TNR: variants seen among roughly 807,000 people sequenced by gnomAD.
TNR encodes the protein tenascin-R.
Under a neutral mutation model 150.4 loss-of-function variants are expected in TNR, and 45 were observed. The observed-to-expected ratio is 0.30, with a 90% CI of 0.24 to 0.38. TNR has a LOEUF of 0.38. Among genes scored for constraint, TNR ranks in the 10% least tolerant of loss-of-function variants. The pLI is 1.00. For synonymous variants in TNR, 687 were observed against 678.4 expected (o/e 1.01, Z -0.20); for missense variants, 1,544 against 1,759.1 (o/e 0.88, Z 2.19).
At chr1:175,573,588 C>T (rs1661975940) in intron 1 of TNR, among the ~76,000 whole-genome samples, 1 of 152,210 alleles carries the variant, frequency 6.6e-6, no homozygotes, top group African/African-American at 2.4e-5. Flanking sequence ...TGGGCAAAGA[C>T]TGTGGGATTA....
intron 1 of TNR, among the ~76,000 whole-genome samples, chr1:175,740,035 T>A: frequency 6.6e-6 from 1 of 152,212 alleles, no homozygotes; most frequent in Non-Finnish European, 1.5e-5. Context: ...TTTCTATAAA[T>A]GCGGTTGAAA....
intron 2 of TNR, among the ~76,000 whole-genome samples, chr1:175,409,140 T>C (rs758205675): frequency 4.6e-5 from 7 of 152,230 alleles, no homozygotes; most frequent in Non-Finnish European, 8.8e-5. Context: ...CCTCCTATCA[T>C]TGAAAGTCTC....
At position 175,406,104 on chromosome 1, in the gene TNR, G is replaced by T. The variant is rs373157844; in HGVS notation, c.499+112C>A. 9.8e-5 allele frequency: 139 copies of T among 1,415,276 alleles called. 2 individuals carry two copies. In the South Asian group the frequency reaches 1.6e-3, roughly 16 times the overall value. 87.7% of individuals were successfully genotyped at this position (1,415,276 alleles called of 1,614,324 possible). A position where few individuals can be genotyped will look rare whatever the true frequency, so the allele number is the denominator to read the frequency against. On this transcript the variant is annotated intron_variant, in intron 3 of 22. Transcript: ENST00000367674. The stretch of plus-strand genomic sequence containing the variant: ...CCGTGTGAAGAGATGCCGGGGTTTT[G>T]CTGGGAGTGCGTTTTCGCTGGAAGT...
At chr1:175,601,714 G>T (rs554210912) in intron 1 of TNR, among the ~76,000 whole-genome samples, 1 of 152,180 alleles carries the variant, frequency 6.6e-6, no homozygotes, top group South Asian at 2.1e-4. Flanking sequence ...GAGAGAAATC[G>T]CTCCCCTCTC....
At chr1:175,604,093 T>G (rs1055090505) in intron 1 of TNR, among the ~76,000 whole-genome samples, 3 of 151,856 alleles carry the variant, frequency 2.0e-5, no homozygotes, top group African/African-American at 7.3e-5. Context: ...AGTGAGGGGG[T>G]GGGGAGATGA....
At chr1:175,686,252 T>A (rs1431522130) in intron 1 of TNR, among the ~76,000 whole-genome samples, 1 of 152,244 alleles carries the variant, frequency 6.6e-6, no homozygotes, top group Non-Finnish European at 1.5e-5. Context: ...CATTTCCTGA[T>A]AAAACTGAGA....
At chr1:175,699,019 G>T (rs548830156) in intron 1 of TNR, among the ~76,000 whole-genome samples, 1 of 152,190 alleles carries the variant, frequency 6.6e-6, no homozygotes, top group Non-Finnish European at 1.5e-5. Flanking sequence ...TCAGAAGGAA[G>T]CAGGAATACC....
At chr1:175,656,250 C>G (rs1454518462) in intron 1 of TNR, among the ~76,000 whole-genome samples, 1 of 150,234 alleles carries the variant, frequency 6.7e-6, no homozygotes, top group African/African-American at 2.4e-5. Context: ...AATCTCTATG[C>G]CAGCCCTGTG....
chr1:175,589,134 G>C (rs1006418606), intron 1 of TNR, among the ~76,000 whole-genome samples: 8 of 152,000 alleles, frequency 5.3e-5, no homozygotes, highest in Non-Finnish European at 1.2e-4. Context: ...GGAGGGGAAG[G>C]GGGGCACTCT....
chr1:175,656,992 G>A (rs1000154221), intron 1 of TNR, among the ~76,000 whole-genome samples: 10 of 152,070 alleles, frequency 6.6e-5, no homozygotes, highest in African/African-American at 2.4e-4. Flanking sequence ...GAGGAAGAAG[G>A]TTAGAAAGAG....
intron 2 of TNR, among the ~76,000 whole-genome samples, chr1:175,487,132 A>G (rs1401166252): frequency 6.6e-6 from 1 of 152,030 alleles, no homozygotes; most frequent in Non-Finnish European, 1.5e-5. Flanking sequence ...GTTTAATTAG[A>G]TCCCATTTGT....
At chr1:175,705,216 A>G (rs1473991376) in intron 1 of TNR, among the ~76,000 whole-genome samples, 1 of 152,194 alleles carries the variant, frequency 6.6e-6, no homozygotes, top group East Asian at 1.9e-4. Context: ...TTTTTCTAGA[A>G]AAGAGCAGGC....
At chr1:175,731,655 A>G (rs1023256165) in intron 1 of TNR, among the ~76,000 whole-genome samples, 4 of 152,190 alleles carry the variant, frequency 2.6e-5, no homozygotes, top group African/African-American at 9.7e-5. Flanking sequence ...GGGCAGAGCC[A>G]AGATTCTGGT....
intron 2 of TNR, among the ~76,000 whole-genome samples, chr1:175,442,172 CT>C (rs956242885): frequency 2.6e-5 from 4 of 152,152 alleles, no homozygotes; most frequent in African/African-American, 4.8e-5. Flanking sequence ...CATTGACCTC[CT>C]TTTTTTAATA....
intron 1 of TNR, among the ~76,000 whole-genome samples, chr1:175,571,321 T>G (rs1186307483): frequency 6.6e-6 from 1 of 152,282 alleles, no homozygotes; most frequent in Admixed American, 6.5e-5. Flanking sequence ...AAAATATAAT[T>G]CTATAGTTGA....
chr1:175,550,583 T>C (rs974236769), intron 1 of TNR, among the ~76,000 whole-genome samples: 3 of 151,816 alleles, frequency 2.0e-5, no homozygotes, highest in Non-Finnish European at 4.4e-5. Flanking sequence ...TGATAATGCT[T>C]CTCCCTACCC....
Position 175,331,055 on chromosome 1 carries a change from T to TTCTTTCTG in TNR, c.3632-821_3632-820insCAGAAAGA, listed in dbSNP as rs1649794292. 5.1e-5 allele frequency among the ~76,000 whole-genome samples: 6 copies of TTCTTTCTG among 117,256 alleles called. 1 individual carries two copies. Among genetic ancestry groups the TTCTTTCTG allele is most frequent in the African/African-American group, 2.0e-4 (6 of 30,122 alleles). 76.9% of individuals were successfully genotyped at this position (117,256 alleles called of 152,430 possible). A position where few individuals can be genotyped will look rare whatever the true frequency, so the allele number is the denominator to read the frequency against. ...TTTCTTTCTTTCTTTCTTTCTTTCTTTCTTTCTTTCTTTCTTTCTTTCCTT... is the reference window on the plus strand; with the variant it reads ...TTTCTTTCTTTCTTTCTTTCTTTCTTTCTTTCTGTCTTTCTTTCTTTCTTTCTTTCCTT... On this transcript the variant is annotated intron_variant, in intron 20 of 22. Coordinates refer to ENST00000367674, the MANE Select transcript of TNR (RefSeq NM_003285.3).
chr1:175,714,693 G>A lies in TNR; in HGVS notation c.-165+28533C>T, dbSNP rs972861577. On this transcript the variant is annotated intron_variant, in intron 1 of 22. Transcript: ENST00000367674. ...ACAGGGAACTCCTAAGTGGAAAATCGATAGGCGCTTTAATTACTGGCCCCC... is the reference window on the plus strand; with the variant it reads ...ACAGGGAACTCCTAAGTGGAAAATCAATAGGCGCTTTAATTACTGGCCCCC... Among the ~76,000 whole-genome samples the A allele has an allele frequency of 4.6e-5, 7 of 152,134 alleles. No homozygotes were observed. The East Asian group carries it at 5.8e-4, about 13-fold the overall frequency.
intron 1 of TNR, among the ~76,000 whole-genome samples, chr1:175,656,386 C>T (rs1558057868): frequency 2.0e-5 from 3 of 152,152 alleles, no homozygotes; most frequent in Non-Finnish European, 2.9e-5. Flanking sequence ...TCAGTTCCTA[C>T]TGACCGGACC....
Sources: allele counts gnomAD v4.1 joint callset (sites outside exome capture counted in the v4.1 genomes callset), GRCh38; gene constraint gnomAD v4.1.1; transcripts MANE v1.5; gene names NCBI Gene and HGNC (gene_info 2026-07-23, HGNC 2026-07-21).